The following KCNAB1 variants were observed in gnomAD, a reference collection of about 807,000 sequenced individuals.
The protein encoded by KCNAB1 is voltage-gated potassium channel subunit beta-1.
In KCNAB1, 35 loss-of-function variants were observed where a neutral mutation model predicts 64.6. That is an observed-to-expected ratio of 0.54 (90% CI 0.41 to 0.72). KCNAB1 has a LOEUF of 0.72. Among genes scored for constraint, KCNAB1 ranks in the 30% least tolerant of loss-of-function variants. The pLI, the probability that KCNAB1 is intolerant of heterozygous loss-of-function variation, is 0.00. For synonymous variants in KCNAB1, 177 were observed against 183.8 expected (o/e 0.96, Z 0.30); for missense variants, 401 against 512.9 (o/e 0.78, Z 2.11).
intron 1 of KCNAB1, among the ~76,000 whole-genome samples, chr3:156,172,904 C>G (rs1358840498): frequency 6.6e-6 from 1 of 152,232 alleles, no homozygotes; most frequent in Non-Finnish European, 1.5e-5. Flanking sequence ...TGTGGCCCCA[C>G]ACAACTTTGC....
chr3:156,522,766 A>G (rs1163395875), intron 11 of KCNAB1, among the ~76,000 whole-genome samples: 1 of 152,276 alleles, frequency 6.6e-6, no homozygotes, highest in Non-Finnish European at 1.5e-5. Context: ...TGCAGTGTCC[A>G]TGGCCCACTG....
intron 1 of KCNAB1, among the ~76,000 whole-genome samples, chr3:156,167,667 T>C (rs549615393): frequency 6.6e-6 from 1 of 152,226 alleles, no homozygotes; most frequent in Admixed American, 6.5e-5. Context: ...TTCAACAAAC[T>C]TTTTAACAAC....
At chr3:156,260,036 T>G (rs1206816715) in intron 1 of KCNAB1, among the ~76,000 whole-genome samples, 1 of 152,196 alleles carries the variant, frequency 6.6e-6, no homozygotes, top group South Asian at 2.1e-4. Context: ...ATACTCAGAC[T>G]TTTCTCAAGA....
intron 1 of KCNAB1, among the ~76,000 whole-genome samples, chr3:156,331,418 A>C (rs898385823): frequency 9.2e-5 from 14 of 152,172 alleles, no homozygotes; most frequent in Non-Finnish European, 1.8e-4. Context: ...GAAGATTCTA[A>C]CAGTGCATGG....
chr3:156,118,694 C>A (rs73026670), upstream of KCNAB1, among the ~76,000 whole-genome samples: 1 of 152,206 alleles, frequency 6.6e-6, no homozygotes. Context: ...CTCTTAAACA[C>A]AACAGCACTG....
intron 1 of KCNAB1, among the ~76,000 whole-genome samples, chr3:156,356,541 AT>A (rs1289831150): frequency 3.3e-5 from 5 of 152,106 alleles, no homozygotes; most frequent in Non-Finnish European, 7.4e-5. Context: ...ACGTGCTCTG[AT>A]TTTTTCCTCA....
intron 1 of KCNAB1, among the ~76,000 whole-genome samples, chr3:156,384,972 G>A (rs1712475253): frequency 6.6e-6 from 1 of 152,142 alleles, no homozygotes; most frequent in Non-Finnish European, 1.5e-5. Flanking sequence ...CCCATGGGAA[G>A]GAAAAGAAAA....
At chr3:156,473,018 A>G (rs1714047026) in intron 7 of KCNAB1, among the ~76,000 whole-genome samples, 1 of 152,210 alleles carries the variant, frequency 6.6e-6, no homozygotes, top group Non-Finnish European at 1.5e-5. Context: ...AGAGAGGGCC[A>G]TTGTCAGAAA....
At chr3:156,229,793 A>G (rs1716409671) in intron 1 of KCNAB1, among the ~76,000 whole-genome samples, 1 of 152,222 alleles carries the variant, frequency 6.6e-6, no homozygotes, top group East Asian at 1.9e-4. Flanking sequence ...GGTAAATAGC[A>G]GCTGTGCCTA....
rs531209448 is a variant in KCNAB1, at chr3:156,537,589, GA to G, written c.*846del. 2.6e-5 allele frequency: 4 copies of G among 152,646 alleles called. No individual in the cohort carries two copies. The highest frequency in any genetic ancestry group is 5.9e-5 in the Non-Finnish European group (4 of 68,040). The allele number at this position is 152,646 out of a possible 1,614,324, so 9.5% of individuals were successfully genotyped here. On this transcript the variant is annotated 3_prime_UTR_variant, in exon 14 of 14. Coordinates refer to ENST00000490337, the MANE Select transcript of KCNAB1 (RefSeq NM_172160.3). ...ACTGCTATGGAAACTTAGCTTCAAA[GA>G]AAATGCAATGTATCTGCAATTAGGT...
Position 156,171,192 on chromosome 3 carries a change from CAT to C in KCNAB1, c.275+50308_275+50309del, listed in dbSNP as rs752640212. 1.0e-3 allele frequency among the ~76,000 whole-genome samples: 152 copies of C among 148,034 alleles called. 2 individuals carry two copies. The highest frequency in any genetic ancestry group is 5.1e-3 in the South Asian group (24 of 4,680). ...CTTATAGTTAGAAACTTCACGCACA[CAT>C]ACACACACACACACACACACACACA... On this transcript the variant is annotated intron_variant, in intron 1 of 13. Coordinates refer to ENST00000490337, the MANE Select transcript of KCNAB1 (RefSeq NM_172160.3).
At chr3:156,190,506 T>C (rs1672110081) in intron 1 of KCNAB1, among the ~76,000 whole-genome samples, 1 of 152,048 alleles carries the variant, frequency 6.6e-6, no homozygotes, top group African/African-American at 2.4e-5. Flanking sequence ...ATAAAGTAAA[T>C]AGCTGGTACC....
intron 1 of KCNAB1, among the ~76,000 whole-genome samples, chr3:156,128,554 T>C (rs1019753491): frequency 3.3e-5 from 5 of 152,256 alleles, no homozygotes. Context: ...TGTCTTGTCG[T>C]GCATTATCTC....
At chr3:156,123,843 T>G (rs1310367432) in intron 1 of KCNAB1, among the ~76,000 whole-genome samples, 1 of 152,210 alleles carries the variant, frequency 6.6e-6, no homozygotes, top group Admixed American at 6.5e-5. Flanking sequence ...GAATAAAATT[T>G]TTTTTCTGTT....
chr3:156,130,316 T>A (rs927455743), intron 1 of KCNAB1, among the ~76,000 whole-genome samples: 3 of 152,160 alleles, frequency 2.0e-5, no homozygotes, highest in Non-Finnish European at 4.4e-5. Context: ...TAGGTGTAGA[T>A]GTAGCCTTCA....
At chr3:156,209,223 T>C (rs775855530) in intron 1 of KCNAB1, among the ~76,000 whole-genome samples, 4 of 152,264 alleles carry the variant, frequency 2.6e-5, no homozygotes, top group East Asian at 1.9e-4. Context: ...AGGGAATGCT[T>C]CTGGAAGGGA....
intron 1 of KCNAB1, among the ~76,000 whole-genome samples, chr3:156,138,395 C>T (rs930031220): frequency 1.3e-5 from 2 of 152,184 alleles, no homozygotes; most frequent in Non-Finnish European, 2.9e-5. Context: ...AATACTTCCC[C>T]ACCCCGGCAG....
chr3:156,448,477 C>T (rs1711749633), intron 2 of KCNAB1, among the ~76,000 whole-genome samples: 1 of 152,188 alleles, frequency 6.6e-6, no homozygotes, highest in African/African-American at 2.4e-5. Context: ...CGTTCCTCTC[C>T]AGCAGGAGGG....
chr3:156,501,953 C>T (rs764251342), intron 8 of KCNAB1, among the ~76,000 whole-genome samples: 1 of 152,084 alleles, frequency 6.6e-6, no homozygotes, highest in African/African-American at 2.4e-5. Context: ...CCTACCATAT[C>T]TTGTGAGACT....
Sources: gnomAD v4.1 joint callset for allele counts (sites outside exome capture counted in the v4.1 genomes callset) on GRCh38, gnomAD v4.1.1 for gene constraint, MANE v1.5 for transcripts, NCBI Gene and HGNC (gene_info 2026-07-23, HGNC 2026-07-21) for gene names.